WWOX: variants seen among roughly 807,000 people sequenced by gnomAD.
WWOX encodes the protein WW domain-containing oxidoreductase.
A neutral mutation model predicts 46.2 loss-of-function variants in WWOX; 69 were observed. The observed-to-expected ratio is 1.49, with a 90% CI of 1.23 to 1.82. The LOEUF (loss-of-function observed/expected upper bound fraction) is 1.82, where lower values mean the gene tolerates loss of function less well. WWOX is among the 40% of genes most tolerant of loss of function. The probability of loss-of-function intolerance (pLI) is 0.00; values close to 1 mark genes in which losing one functional copy is unlikely to be tolerated. For synonymous variants in WWOX, 359 were observed against 202.6 expected, an observed-to-expected ratio of 1.77 and a Z score of -6.56; for missense variants, 919 against 542.6, an observed-to-expected ratio of 1.69 and a Z score of -6.89.
At chr16:79,143,006 T>C (rs891613633) in intron 8 of WWOX, among the ~76,000 whole-genome samples, 5 of 152,114 alleles carry the variant, frequency 3.3e-5, no homozygotes, top group Non-Finnish European at 5.9e-5. Flanking sequence ...ACCCAGCCAT[T>C]TATCTGTTTT....
chr16:78,923,267 C>A (rs1192336344), intron 8 of WWOX, among the ~76,000 whole-genome samples: 1 of 152,168 alleles, frequency 6.6e-6, no homozygotes, highest in East Asian at 1.9e-4. Context: ...AGGCTTGAGC[C>A]ACTGTGCCCG....
chr16:78,753,833 T>A lies in WWOX; in HGVS notation c.1056+321081T>A, dbSNP rs1420971039. Reference sequence around the variant, plus strand: ...AAAAAAAAAAAAAAAAAAATATATATATATATATATATATATATATATGTA... The same window carrying A: ...AAAAAAAAAAAAAAAAAAATATATAAATATATATATATATATATATATGTA... On this transcript the variant is annotated intron_variant, in intron 8 of 8. Coordinates refer to ENST00000566780, the MANE Select transcript of WWOX (RefSeq NM_016373.4). 4.7e-3 allele frequency among the ~76,000 whole-genome samples: 407 copies of A among 86,254 alleles called. 5 individuals are homozygous for A. The highest frequency in any genetic ancestry group is 0.022 in the African/African-American group (358 of 16,466). The allele number at this position is 86,254 out of a possible 152,430, so 56.6% of individuals were successfully genotyped here.
chr16:78,451,591 C>G (rs745796744), intron 8 of WWOX, among the ~76,000 whole-genome samples: 1 of 152,144 alleles, frequency 6.6e-6, no homozygotes, highest in Non-Finnish European at 1.5e-5. Flanking sequence ...TTTGGATTTT[C>G]TTTTTCACTG....
At chr16:78,920,358 C>A (rs1217784267) in intron 8 of WWOX, among the ~76,000 whole-genome samples, 1 of 152,138 alleles carries the variant, frequency 6.6e-6, no homozygotes, top group African/African-American at 2.4e-5. Flanking sequence ...AACATTGTCT[C>A]CCATGGGTGC....
intron 5 of WWOX, among the ~76,000 whole-genome samples, chr16:78,213,514 C>T (rs1268765430): frequency 5.3e-5 from 8 of 151,724 alleles, no homozygotes; most frequent in Non-Finnish European, 1.2e-4. Flanking sequence ...GCAGCGCTCA[C>T]AACTGCCATA....
At chr16:78,698,929 C>A (rs551381057) in intron 8 of WWOX, among the ~76,000 whole-genome samples, 1 of 152,148 alleles carries the variant, frequency 6.6e-6, no homozygotes, top group Non-Finnish European at 1.5e-5. Flanking sequence ...GGTCACCATT[C>A]TGTAATGATT....
intron 8 of WWOX, among the ~76,000 whole-genome samples, chr16:78,638,609 C>G (rs890373798): frequency 6.6e-6 from 1 of 152,178 alleles, no homozygotes; most frequent in African/African-American, 2.4e-5. Context: ...TGACACCAGA[C>G]TAATGCTTCT....
chr16:79,211,496 C>G, intron 8 of WWOX, 112 bp from the exon 9 acceptor site: 7 of 1,391,320 alleles, frequency 5.0e-6, no homozygotes, highest in Non-Finnish European at 7.0e-6. Flanking sequence ...CAAGATCCAG[C>G]TGAAACTGAA....
intron 5 of WWOX, among the ~76,000 whole-genome samples, chr16:78,267,987 T>A (rs1022136784): frequency 3.9e-5 from 6 of 152,150 alleles, no homozygotes; most frequent in Non-Finnish European, 8.8e-5. Flanking sequence ...CTGGCTAAGT[T>A]TTTGTACTTT....
At chr16:78,830,244 AATG>A (rs2051779495) in intron 8 of WWOX, among the ~76,000 whole-genome samples, 1 of 152,266 alleles carries the variant, frequency 6.6e-6, no homozygotes, top group Non-Finnish European at 1.5e-5. Context: ...TTTGCATCTG[AATG>A]ATATTTATAT....
intron 8 of WWOX, among the ~76,000 whole-genome samples, chr16:78,661,930 G>C (rs931596344): frequency 7.9e-5 from 12 of 152,182 alleles, no homozygotes; most frequent in African/African-American, 2.2e-4. Flanking sequence ...TGTGGTCTGA[G>C]CTACTCAGGA....
intron 8 of WWOX, among the ~76,000 whole-genome samples, chr16:78,869,430 C>G (rs1260837879): frequency 6.6e-6 from 1 of 152,228 alleles, no homozygotes; most frequent in Non-Finnish European, 1.5e-5. Context: ...GCCTGGACTA[C>G]AGTCACCAAC....
At chr16:78,706,052 T>C (rs557083011) in intron 8 of WWOX, among the ~76,000 whole-genome samples, 1 of 119,400 alleles carries the variant, frequency 8.4e-6, no homozygotes, top group African/African-American at 3.1e-5. Flanking sequence ...GTCAGAGTTA[T>C]GGCAGGTTTT....
In WWOX at chr16:78,535,916, G is replaced by A. The variant is rs994032897; in HGVS notation, c.1056+103164G>A. Among the ~76,000 whole-genome samples, 12 of 152,164 alleles carry A rather than the reference G, an allele frequency of 7.9e-5. 1 individual carries two copies. The highest frequency in any genetic ancestry group is 2.4e-4 in the African/African-American group (10 of 41,440). ...GGTGGTGAAGTGGGGATAATTTATTGACAGTGGACCGTGAGGTTCTGCGCA... is the reference window on the plus strand; with the variant it reads ...GGTGGTGAAGTGGGGATAATTTATTAACAGTGGACCGTGAGGTTCTGCGCA... On this transcript the variant is annotated intron_variant, in intron 8 of 8. Coordinates refer to ENST00000566780, the MANE Select transcript of WWOX (RefSeq NM_016373.4).
chr16:79,141,710 G>A (rs548536085), intron 8 of WWOX, among the ~76,000 whole-genome samples: 1 of 151,766 alleles, frequency 6.6e-6, no homozygotes, highest in East Asian at 1.9e-4. Context: ...GTGCTTCTTG[G>A]TGTTGTGATA....
intron 8 of WWOX, among the ~76,000 whole-genome samples, chr16:79,177,102 C>T (rs2050815092): frequency 6.6e-6 from 1 of 152,194 alleles, no homozygotes; most frequent in Admixed American, 6.5e-5. Flanking sequence ...AATGGCTTCA[C>T]ACTCAGTGCA....
At chr16:79,091,600 C>T (rs546182305) in intron 8 of WWOX, among the ~76,000 whole-genome samples, 5 of 152,090 alleles carry the variant, frequency 3.3e-5, no homozygotes, top group East Asian at 3.9e-4. Flanking sequence ...GGGAACTGTG[C>T]CCTTTGCAAG....
At chr16:78,666,279 A>C (rs891665942) in intron 8 of WWOX, among the ~76,000 whole-genome samples, 1 of 152,034 alleles carries the variant, frequency 6.6e-6, no homozygotes, top group Admixed American at 6.6e-5. Flanking sequence ...ACAGAGCAAG[A>C]CACTGTCTCT....
chr16:79,091,706 G>T (rs936001085), intron 8 of WWOX, among the ~76,000 whole-genome samples: 1 of 151,624 alleles, frequency 6.6e-6, no homozygotes, highest in African/African-American at 2.4e-5. Flanking sequence ...TAAGGACTTT[G>T]CTAGATAAAA....
Sources: allele counts gnomAD v4.1 joint callset (sites outside exome capture counted in the v4.1 genomes callset), GRCh38; gene constraint gnomAD v4.1.1; transcripts MANE v1.5; gene names NCBI Gene and HGNC (gene_info 2026-07-23, HGNC 2026-07-21).